CAMK1D: variants seen among roughly 807,000 people sequenced by gnomAD.
CAMK1D encodes calcium/calmodulin-dependent protein kinase type 1D.
CAMK1D carries 9 observed loss-of-function variants against 47.7 expected under a neutral mutation model. The ratio of observed to expected loss-of-function variants is 0.19; its 90% CI spans 0.11 to 0.33. CAMK1D has a LOEUF of 0.33. Among genes scored for constraint, CAMK1D ranks in the 10% least tolerant of loss-of-function variants. The pLI is 1.00. For synonymous variants in CAMK1D, 184 were observed against 184.9 expected, an observed-to-expected ratio of 0.99 and a Z score of 0.04; for missense variants, 291 against 488.7, an observed-to-expected ratio of 0.60 and a Z score of 3.81.
intron 3 of CAMK1D, among the ~76,000 whole-genome samples, chr10:12,749,921 A>G (rs1053031563): frequency 3.3e-5 from 5 of 151,988 alleles, no homozygotes; most frequent in East Asian, 1.9e-4. Context: ...AGCTGCCTAC[A>G]CCATAGCCAT....
At chr10:12,672,105 T>C (rs546445881) in intron 3 of CAMK1D, among the ~76,000 whole-genome samples, 6 of 151,102 alleles carry the variant, frequency 4.0e-5, no homozygotes, top group Non-Finnish European at 5.9e-5. Context: ...TTAGTAGAGA[T>C]GGGGTTTCAC....
At chr10:12,590,694 C>CGTA (rs1388338504) in intron 2 of CAMK1D, among the ~76,000 whole-genome samples, 1 of 152,182 alleles carries the variant, frequency 6.6e-6, no homozygotes, top group East Asian at 1.9e-4. Context: ...ACTGGGCAGA[C>CGTA]GTAAAGCTGC....
At chr10:12,510,369 T>C (rs1835003670) in intron 1 of CAMK1D, among the ~76,000 whole-genome samples, 1 of 151,980 alleles carries the variant, frequency 6.6e-6, no homozygotes, top group Non-Finnish European at 1.5e-5. Context: ...TGAGCTGAGA[T>C]TGTGCCACTG....
rs189711242 is a variant in CAMK1D at position 12,756,437 on chromosome 10, G to A, written c.300-4511G>A. On this transcript the variant is annotated intron_variant, in intron 3 of 10. Coordinates refer to ENST00000619168, the MANE Select transcript of CAMK1D (RefSeq NM_153498.4). ...GTGTCGTCAGAGCTGAGTTTTACTCGGTCCAGCAACTTCAAAATGATGTTA... is the reference window on the plus strand; with the variant it reads ...GTGTCGTCAGAGCTGAGTTTTACTCAGTCCAGCAACTTCAAAATGATGTTA... Among the ~76,000 whole-genome samples the A allele has an allele frequency of 4.6e-5, 7 of 152,226 alleles. No individual in the cohort carries two copies. In the East Asian group the frequency reaches 1.3e-3, roughly 29 times the overall value.
Position 12,786,777 on chromosome 10 carries a change from A to C in CAMK1D, c.566-4381A>C, listed in dbSNP as rs530466472. 3.9e-5 allele frequency among the ~76,000 whole-genome samples: 6 copies of C among 152,358 alleles called. No individual in the cohort carries two copies. In the South Asian group the frequency reaches 1.2e-3, roughly 32 times the overall value. On this transcript the variant is annotated intron_variant, in intron 5 of 10. Transcript: ENST00000619168. ...GTCATAAACTTTACCATTTAAGCAGAGTCTCGTGTTTTAAAAATTATTTAA... is the reference window on the plus strand; with the variant it reads ...GTCATAAACTTTACCATTTAAGCAGCGTCTCGTGTTTTAAAAATTATTTAA...
intron 2 of CAMK1D, among the ~76,000 whole-genome samples, chr10:12,600,724 C>A (rs1838276844): frequency 6.6e-6 from 1 of 152,134 alleles, no homozygotes; most frequent in Admixed American, 6.5e-5. Context: ...TAACCATCAC[C>A]CAAATCATGT....
At chr10:12,409,694 G>A (rs1839588632) in intron 1 of CAMK1D, among the ~76,000 whole-genome samples, 1 of 152,194 alleles carries the variant, frequency 6.6e-6, no homozygotes, top group African/African-American at 2.4e-5. Context: ...TCCTTAAATT[G>A]TGGTAATATA....
chr10:12,485,386 G>A (rs986399477), intron 1 of CAMK1D, among the ~76,000 whole-genome samples: 1 of 152,160 alleles, frequency 6.6e-6, no homozygotes, highest in Non-Finnish European at 1.5e-5. Context: ...GCCCCCTGTC[G>A]TGGGGGAGGG....
intron 3 of CAMK1D, among the ~76,000 whole-genome samples, chr10:12,754,980 G>A (rs548632548): frequency 6.6e-6 from 1 of 152,156 alleles, no homozygotes; most frequent in African/African-American, 2.4e-5. Context: ...TATAGAGAAG[G>A]CAAAACGCCC....
chr10:12,782,032 G>T (rs1182032986), intron 5 of CAMK1D, among the ~76,000 whole-genome samples: 1 of 138,038 alleles, frequency 7.2e-6, no homozygotes, highest in Non-Finnish European at 1.5e-5. Context: ...CATTCCTCAT[G>T]AATGACAGCT....
intron 1 of CAMK1D, among the ~76,000 whole-genome samples, chr10:12,523,251 A>C (rs1325455684): frequency 1.4e-5 from 2 of 147,834 alleles, no homozygotes; most frequent in Non-Finnish European, 3.0e-5. Context: ...GGCGCTCCTC[A>C]CTTCCCAGAC....
intron 3 of CAMK1D, among the ~76,000 whole-genome samples, chr10:12,695,151 G>C (rs1484720835): frequency 6.6e-6 from 1 of 151,986 alleles, no homozygotes; most frequent in East Asian, 1.9e-4. Context: ...CCCTAATATA[G>C]GAGCTTATAT....
At chr10:12,369,582 G>A (rs973001513) in intron 1 of CAMK1D, among the ~76,000 whole-genome samples, 1 of 152,160 alleles carries the variant, frequency 6.6e-6, no homozygotes, top group Non-Finnish European at 1.5e-5. Context: ...TGCTCAGTGA[G>A]TATATAATGA....
intron 1 of CAMK1D, among the ~76,000 whole-genome samples, chr10:12,393,708 A>G (rs1209292165): frequency 2.0e-5 from 3 of 152,224 alleles, no homozygotes; most frequent in East Asian, 3.9e-4. Flanking sequence ...ACGCGTGAGC[A>G]TGTGTCCAAA....
chr10:12,565,755 T>C (rs1837103609), intron 2 of CAMK1D, among the ~76,000 whole-genome samples: 1 of 152,156 alleles, frequency 6.6e-6, no homozygotes, highest in African/African-American at 2.4e-5. Context: ...TTAAGACATT[T>C]TTAGGGGCCA....
chr10:12,778,759 G>A (rs1036600972), intron 5 of CAMK1D, among the ~76,000 whole-genome samples: 11 of 152,148 alleles, frequency 7.2e-5, no homozygotes, highest in Non-Finnish European at 1.3e-4. Flanking sequence ...TGTAGTCCCA[G>A]CTATTCAGGA....
chr10:12,659,757 G>C (rs532342312), intron 2 of CAMK1D, among the ~76,000 whole-genome samples: 1 of 152,188 alleles, frequency 6.6e-6, no homozygotes, highest in East Asian at 1.9e-4. Flanking sequence ...AGGGAACCAC[G>C]CCTCTCTTTT....
chr10:12,547,488 CCTGAT>C (rs1444910551), intron 1 of CAMK1D, among the ~76,000 whole-genome samples: 2 of 152,162 alleles, frequency 1.3e-5, no homozygotes, highest in Middle Eastern at 3.2e-3. Context: ...TAGAGTGCAA[CCTGAT>C]TTGACCTCTT....
At chr10:12,499,962 G>A (rs1834651124) in intron 1 of CAMK1D, among the ~76,000 whole-genome samples, 1 of 152,174 alleles carries the variant, frequency 6.6e-6, no homozygotes, top group African/African-American at 2.4e-5. Flanking sequence ...TGGGTCTGTG[G>A]AGTATAGAAG....
Sources: gnomAD v4.1 joint callset for allele counts (sites outside exome capture counted in the v4.1 genomes callset) on GRCh38, gnomAD v4.1.1 for gene constraint, MANE v1.5 for transcripts, NCBI Gene and HGNC (gene_info 2026-07-23, HGNC 2026-07-21) for gene names.